Variants in RMP64 observed in about 807,000 individuals in gnomAD.
RMP64 encodes nucleolus and neural progenitor protein.
the RMP64 span, chr3:113,011,667 A>G: frequency 3.5e-6 from 1 of 283,782 alleles, no homozygotes; most frequent in Non-Finnish European, 6.5e-6. Context: ...ACATGGAGAA[A>G]TGTACAAAAG....
chr3:113,018,302 C>G, the RMP64 span, among the ~76,000 whole-genome samples: 1 of 152,162 alleles, frequency 6.6e-6, no homozygotes, highest in Non-Finnish European at 1.5e-5. Context: ...CTTACTGTCC[C>G]AACAACTACC....
the RMP64 span, among the ~76,000 whole-genome samples, chr3:113,018,053 G>A: frequency 1.3e-5 from 2 of 152,238 alleles, no homozygotes; most frequent in Non-Finnish European, 2.9e-5. Flanking sequence ...TCAAAATCAA[G>A]GCTTCTGTGT....
chr3:113,008,968 C>T, the RMP64 span, among the ~76,000 whole-genome samples: 9 of 152,260 alleles, frequency 5.9e-5, no homozygotes, highest in South Asian at 8.3e-4. Flanking sequence ...CAGATTATCA[C>T]GACTTGTTTT....
the RMP64 span, chr3:113,010,853 CAAAT>C: frequency 5.6e-5 from 47 of 844,538 alleles, no homozygotes; most frequent in East Asian, 9.0e-4. Context: ...ACTACAGAAA[CAAAT>C]AAACAACTTA....
At chr3:113,008,182 A>C in the RMP64 span, 32 of 1,614,046 alleles carry the variant, frequency 2.0e-5, no homozygotes, top group Non-Finnish European at 2.6e-5. Flanking sequence ...TAGTACCTTG[A>C]GCTTCCAGAT....
the RMP64 span, chr3:113,014,082 G>T: frequency 7.0e-6 from 8 of 1,145,282 alleles, no homozygotes; most frequent in Non-Finnish European, 9.3e-6. Flanking sequence ...TGCAGACAGG[G>T]TCACTGATTA....
chr3:113,012,302 A>C, the RMP64 span, among the ~76,000 whole-genome samples: 2 of 152,248 alleles, frequency 1.3e-5, no homozygotes, highest in Non-Finnish European at 2.9e-5. Flanking sequence ...GAAAGAATCA[A>C]GTGATACAGC....
At chr3:113,015,662 A>G in the RMP64 span, among the ~76,000 whole-genome samples, 1 of 152,010 alleles carries the variant, frequency 6.6e-6, no homozygotes, top group Non-Finnish European at 1.5e-5. Context: ...AGTTCTCTGA[A>G]AACTGTGAAA....
the RMP64 span, chr3:113,019,419 G>T: frequency 4.1e-6 from 3 of 739,658 alleles, no homozygotes; most frequent in Non-Finnish European, 6.8e-6. Flanking sequence ...TACGTGCCCC[G>T]CGCCCCTTCC....
chr3:113,004,019 A>AGGT, the RMP64 span: 1 of 152,230 alleles, frequency 6.6e-6, no homozygotes, highest in African/African-American at 2.4e-5. Context: ...ATTTCCCAAT[A>AGGT]GGTAAAGGAT....
At chr3:113,013,185 G>A in the RMP64 span, 2 of 1,398,766 alleles carry the variant, frequency 1.4e-6, no homozygotes, top group Admixed American at 1.8e-5. Context: ...CTCCTATGGA[G>A]TGTTAGCTTT....
chr3:113,005,971 A>C, the RMP64 span: 4 of 1,613,432 alleles, frequency 2.5e-6, no homozygotes, highest in Non-Finnish European at 3.4e-6. Context: ...GGTTGCAAAT[A>C]GACGTTTTTA....
At chr3:113,019,636 C>A in the RMP64 span, 7 of 1,613,292 alleles carry the variant, frequency 4.3e-6, no homozygotes, top group Non-Finnish European at 5.9e-6. Context: ...CCGGCGGCAC[C>A]GCAGCCATCA....
chr3:113,005,217 G>A, the RMP64 span: 7 of 324,810 alleles, frequency 2.2e-5, no homozygotes, highest in Non-Finnish European at 4.1e-5. Context: ...AAATTGCCTA[G>A]TAAGTCATAA....
chr3:113,010,684 C>T, the RMP64 span: 5 of 1,613,572 alleles, frequency 3.1e-6, no homozygotes, highest in Non-Finnish European at 4.2e-6. Flanking sequence ...AAAGCCCTCA[C>T]ATCAAATTCT....
the RMP64 span, among the ~76,000 whole-genome samples, chr3:113,006,971 C>A: frequency 2.6e-5 from 4 of 152,118 alleles, no homozygotes; most frequent in Admixed American, 2.6e-4. Flanking sequence ...AATGAAACAG[C>A]AAAACAGGGC....
the RMP64 span, chr3:113,005,690 T>G: frequency 4.3e-6 from 7 of 1,614,080 alleles, no homozygotes; most frequent in Non-Finnish European, 5.9e-6. Context: ...CTCCTTAGTT[T>G]GTATGACAGG....
the RMP64 span, among the ~76,000 whole-genome samples, chr3:113,018,417 A>C: frequency 0.015 from 2,240 of 152,322 alleles, 46 homozygotes; most frequent in Non-Finnish European, 0.016. Flanking sequence ...AGGGAAGATT[A>C]ATCTGTAAAG....
chr3:113,007,568 C>G, the RMP64 span, among the ~76,000 whole-genome samples: 1 of 152,146 alleles, frequency 6.6e-6, no homozygotes, highest in Non-Finnish European at 1.5e-5. Context: ...CCTGAAGTGT[C>G]TAATGTCTAA....
Sources: allele counts gnomAD v4.1 joint callset (sites outside exome capture counted in the v4.1 genomes callset), GRCh38; gene constraint gnomAD v4.1.1; transcripts MANE v1.5; gene names NCBI Gene and HGNC (gene_info 2026-07-23, HGNC 2026-07-21).